IL4I1: variants seen among roughly 807,000 people sequenced by gnomAD.
The protein encoded by IL4I1 is interleukin 4 induced 1.
Under a neutral mutation model 29.7 loss-of-function variants are expected in IL4I1, and 24 were observed. That is an observed-to-expected ratio of 0.81 (90% CI 0.59 to 1.14). The LOEUF (loss-of-function observed/expected upper bound fraction) is 1.14, where lower values mean the gene tolerates loss of function less well. IL4I1 is among the 50% of genes most tolerant of loss of function. The probability of loss-of-function intolerance (pLI) is 0.00; values close to 1 mark genes in which losing one functional copy is unlikely to be tolerated. For missense variants in IL4I1, 686 were observed against 785.6 expected, an observed-to-expected ratio of 0.87 and a Z score of 1.52; for synonymous variants, 371 against 352.5, an observed-to-expected ratio of 1.05 and a Z score of -0.59.
intron 3 of IL4I1, among the ~76,000 whole-genome samples, chr19:49,895,467 C>G (rs112626455): frequency 6.6e-6 from 1 of 152,200 alleles, no homozygotes; most frequent in African/African-American, 2.4e-5. Context: ...CATTCTCATT[C>G]TCGGATTGCA....
chr19:49,905,967 C>G (rs2075317130), intron 2 of IL4I1, among the ~76,000 whole-genome samples: 1 of 152,154 alleles, frequency 6.6e-6, no homozygotes, highest in African/African-American at 2.4e-5. Context: ...GGCCATGAAT[C>G]TCCCAAGTGT....
chr19:49,909,950 G>T, intron 2 of IL4I1: 1 of 828,422 alleles, frequency 1.2e-6, no homozygotes, highest in Non-Finnish European at 2.0e-6. Flanking sequence ...GGCATGACTG[G>T]GCACAGTCGG....
At position 49,890,971 on chromosome 19, in the gene IL4I1, T is replaced by C. The variant is rs2122502211; in HGVS notation, c.773A>G (p.Gln258Arg). The C allele has an allele frequency of 2.3e-6, 2 of 856,372 alleles. No individual in the cohort carries two copies. Among genetic ancestry groups the C allele is most frequent in the Non-Finnish European group, 3.1e-6 (2 of 642,550 alleles). The allele number at this position is 856,372 out of a possible 1,614,324, so 53.0% of individuals were successfully genotyped here. A position where few individuals can be genotyped will look rare whatever the true frequency, so the allele number is the denominator to read the frequency against. Residue 258 changes from glutamine (Q) to arginine (R), a missense_variant and splice_region_variant, in exon 7 of 8, where the codon CAG becomes CGG. By Grantham distance (43) the Gln-to-Arg change is conservative (BLOSUM62 1). Coordinates refer to ENST00000391826, the MANE Select transcript of IL4I1 (RefSeq NM_152899.2). ...CCTGCCCGCCAGCCCCGCCCCTTACTGGAGTCTGTCGCTGAGGCAGCTGTG... is the reference window on the plus strand; with the variant it reads ...CCTGCCCGCCAGCCCCGCCCCTTACCGGAGTCTGTCGCTGAGGCAGCTGTG... ...RAHSCLSDRL[Q>R]YSRIVGGWDL...
intron 2 of IL4I1, chr19:49,908,970 TGGC>T (rs768557703): frequency 1.8e-5 from 29 of 1,608,108 alleles, no homozygotes; most frequent in East Asian, 1.8e-4. Context: ...CTGGTGGTGG[TGGC>T]GGTGGCGGTG....
intron 3 of IL4I1, among the ~76,000 whole-genome samples, chr19:49,903,617 T>C (rs2075289447): frequency 6.6e-6 from 1 of 152,154 alleles, no homozygotes; most frequent in South Asian, 2.1e-4. Context: ...CCCTGACATT[T>C]TTGGGGTTTA....
At position 49,894,301 on chromosome 19, in the gene IL4I1, C is replaced by T. The variant is rs144771028; in HGVS notation, c.534G>A (p.Ser178=). ...YALRPQEKGH[S]PEDIYQMALN... is the part of the protein sequence containing the mutation. ...GAGCCATCTGGTAGATGTCTTCGGGCGAGTGGCCCTTTTCCTGGGGACGCA... is the reference window on the plus strand; with the variant it reads ...GAGCCATCTGGTAGATGTCTTCGGGTGAGTGGCCCTTTTCCTGGGGACGCA... The change falls in exon 5 of 8, where the codon TCG becomes TCA. Residue 178 remains serine, a synonymous_variant. Coordinates refer to ENST00000391826, the MANE Select transcript of IL4I1 (RefSeq NM_152899.2). 1.9e-4 allele frequency: 311 copies of T among 1,613,938 alleles called. 1 individual carries two copies. Among genetic ancestry groups the T allele is most frequent in the Middle Eastern group, 4.9e-4 (3 of 6,084 alleles).
At position 49,894,451 on chromosome 19, in the gene IL4I1, G is replaced by A. The variant is rs762766465; in HGVS notation, c.384C>T (p.Cys128=). 1.1e-5 allele frequency: 18 copies of A among 1,614,028 alleles called. No homozygotes were observed. Among genetic ancestry groups the A allele is most frequent in the Non-Finnish European group, 1.5e-5 (18 of 1,180,024 alleles). Residue 128 remains cysteine, a synonymous_variant, in exon 5 of 8, where the codon TGC becomes TGT. Coordinates refer to ENST00000391826, the MANE Select transcript of IL4I1 (RefSeq NM_152899.2). ...TGGTCAGGTTGAGCCCCAGGCCCTG[G>A]CAGAGCTTGTGGAGGATCCTGATCA... ...PSSHRILHKL[C]QGLGLNLTKF...
rs2075175910 is a variant in IL4I1 at position 49,894,269 on chromosome 19, T to C, written c.566A>G (p.Gln189Arg). The C allele has an allele frequency of 6.2e-7, 1 of 1,613,310 alleles. No homozygotes were observed. The highest frequency in any genetic ancestry group is 1.3e-5 in the African/African-American group (1 of 75,032). Residue 189 changes from glutamine to arginine, a missense_variant and splice_region_variant, in exon 5 of 8, where the codon CAG becomes CGG. Physicochemically the swap from Gln to Arg is conservative, Grantham distance 43. Coordinates refer to ENST00000391826, the MANE Select transcript of IL4I1 (RefSeq NM_152899.2). ...PEDIYQMALNQALKDLKALGC... is the reference protein window; with the variant it reads ...PEDIYQMALNRALKDLKALGC... ...GAGGAGGGTGCAGGCGGTACCCACC[T>C]GGTTGAGAGCCATCTGGTAGATGTC... is the stretch of plus-strand genomic sequence containing the variant.
At chr19:49,902,549 C>T (rs989911766) in intron 3 of IL4I1, among the ~76,000 whole-genome samples, 3 of 151,956 alleles carry the variant, frequency 2.0e-5, no homozygotes, top group South Asian at 2.1e-4. Flanking sequence ...CAGTTTAGGC[C>T]GGGCATGGTG....
Position 49,889,908 on chromosome 19 carries a change from C to G in IL4I1, c.1466G>C (p.Trp489Ser). ...AGEHTAYPHGWVETAVKSALR... is the reference protein window; with the variant it reads ...AGEHTAYPHGSVETAVKSALR... ...CGCCGACTTGACCGCCGTCTCCACCCAGCCGTGCGGGTAGGCGGTGTGCTC... is the reference window on the plus strand; with the variant it reads ...CGCCGACTTGACCGCCGTCTCCACCGAGCCGTGCGGGTAGGCGGTGTGCTC... Residue 489 changes from tryptophan to serine, a missense_variant, in exon 8 of 8, where the codon TGG becomes TCG. Physicochemically the swap from Trp to Ser is radical, Grantham distance 177. Transcript: ENST00000391826. The G allele has an allele frequency of 6.2e-7, 1 of 1,609,738 alleles. No homozygotes were observed. The highest frequency in any genetic ancestry group is 8.5e-7 in the Non-Finnish European group (1 of 1,178,176).
rs535071718 is a variant in IL4I1 at position 49,896,053 on chromosome 19, G to A, written c.14C>T (p.Ala5Val). ...GGGGACGAGGACGAGGAGGTGCAGG[G>A]CTGGGAGGAGGAGGACAGGGTCAAC... is the stretch of plus-strand genomic sequence containing the variant. MAPLALHLLVLVPIL... is the reference protein window; with the variant it reads MAPLVLHLLVLVPIL... Residue 5 changes from alanine to valine, a missense_variant and splice_region_variant, in exon 3 of 8, where the codon GCC becomes GTC. Coordinates refer to ENST00000391826, the MANE Select transcript of IL4I1 (RefSeq NM_152899.2). The A allele has an allele frequency of 1.9e-5, 30 of 1,613,462 alleles. No homozygotes were observed. Among genetic ancestry groups the A allele is most frequent in the Non-Finnish European group, 2.5e-5 (29 of 1,179,684 alleles).
rs370739024 is a variant in IL4I1, at chr19:49,921,509, T to C, written c.-228+6185A>G. ...CCCGCCCCAGCTGCAGACGATGGCC[T>C]GAGACGCCTGCAGGGAAGAGAGGGG... On this transcript the variant is annotated intron_variant, in intron 2 of 9. Coordinates refer to the IL4I1 transcript ENST00000341114. This position sits in a 1 kb window ranked among gnomAD's most constrained non-coding sequence, Gnocchi z 5.4. Among the ~76,000 whole-genome samples the C allele has an allele frequency of 1.3e-4, 20 of 152,314 alleles. No homozygotes were observed. In the East Asian group the frequency reaches 2.7e-3, roughly 21 times the overall value.
intron 2 of IL4I1, chr19:49,908,124 G>A (rs2122588180): frequency 7.2e-6 from 11 of 1,519,122 alleles, no homozygotes; most frequent in Non-Finnish European, 9.7e-6. Context: ...GGGCAGTCAT[G>A]TGAAAGAAAG....
At chr19:49,923,861 C>A (rs960971517) in intron 2 of IL4I1, among the ~76,000 whole-genome samples, 2 of 152,216 alleles carry the variant, frequency 1.3e-5, no homozygotes, top group South Asian at 2.1e-4. Context: ...ACCCACGCTG[C>A]GGAAGGCAGC....
intron 2 of IL4I1, among the ~76,000 whole-genome samples, chr19:49,924,436 C>T (rs1396369924): frequency 6.6e-6 from 1 of 152,138 alleles, no homozygotes; most frequent in Non-Finnish European, 1.5e-5. Flanking sequence ...TGCTGGGGTC[C>T]CCAGAGAATC....
At chr19:49,912,968 GTT>G (rs2075514535) in intron 2 of IL4I1, 1 of 152,126 alleles carries the variant, frequency 6.6e-6, no homozygotes, top group African/African-American at 2.4e-5. Flanking sequence ...AGAGTGGCTG[GTT>G]AAGCCACGGT....
upstream of IL4I1, chr19:49,901,632 C>T: frequency 6.6e-7 from 1 of 1,504,038 alleles, no homozygotes; most frequent in Non-Finnish European, 8.9e-7. Flanking sequence ...CGGGTGGGGG[C>T]ACTCACTGCA....
intron 2 of IL4I1, among the ~76,000 whole-genome samples, chr19:49,915,035 C>T (rs879536505): frequency 3.9e-5 from 6 of 152,066 alleles, no homozygotes; most frequent in Admixed American, 2.6e-4. Context: ...CCACTGTGCC[C>T]GGCCCCCAAC....
chr19:49,922,449 AC>A (rs1444218012), intron 2 of IL4I1, among the ~76,000 whole-genome samples: 7 of 151,848 alleles, frequency 4.6e-5, no homozygotes, highest in African/African-American at 1.5e-4. Context: ...TTCACATGGG[AC>A]CGGGCTGTGT....
Sources: allele counts gnomAD v4.1 joint callset (sites outside exome capture counted in the v4.1 genomes callset), GRCh38; gene constraint gnomAD v4.1.1; non-coding constraint Gnocchi (gnomAD v3.1); transcripts MANE v1.5; gene names NCBI Gene and HGNC (gene_info 2026-07-23, HGNC 2026-07-21).